OTC: variants seen among roughly 807,000 people sequenced by gnomAD.
The protein encoded by OTC is ornithine transcarbamylase, also known as ornithine transcarbamylase, mitochondrial.
In OTC, 3 loss-of-function variants were observed where a neutral mutation model predicts 30.3. That is an observed-to-expected ratio of 0.10 (90% confidence interval 0.05 to 0.26). The LOEUF is 0.26. Among genes scored for constraint, OTC ranks in the 10% least tolerant of loss-of-function variants. The pLI is 1.00. For missense variants in OTC, 194 were observed against 260.3 expected (o/e 0.75, Z 1.75); for synonymous variants, 111 against 99.7 (o/e 1.11, Z -0.67).
chrX:38,374,915 A>G (rs2068338541), intron 3 of OTC, among the ~76,000 whole-genome samples: 2 of 112,498 alleles, frequency 1.8e-5, no homozygotes, highest in Non-Finnish European at 3.7e-5. Flanking sequence ...ATTAGTGATT[A>G]TAATCACCAC....
chrX:38,356,780 G>A (rs942340939), intron 1 of OTC, among the ~76,000 whole-genome samples: 4 of 111,252 alleles, frequency 3.6e-5, no homozygotes, highest in African/African-American at 1.3e-4. Context: ...GGGTTTGGGG[G>A]CCCTTGGCTG....
intron 8 of OTC, among the ~76,000 whole-genome samples, chrX:38,409,765 A>C (rs1040067673): frequency 1.8e-5 from 2 of 112,667 alleles, no homozygotes; most frequent in African/African-American, 6.4e-5. Flanking sequence ...ACTTTGGTGG[A>C]GAAAGGGATT....
At chrX:38,368,117 TTAGG>T (rs2068306080) in intron 2 of OTC, among the ~76,000 whole-genome samples, 2 of 34,332 alleles carry the variant, frequency 5.8e-5, no homozygotes, top group African/African-American at 9.2e-4. Context: ...ATCCCAGCAC[TTAGG>T]GAGGCCAGGC....
chrX:38,348,060 G>T (rs182093335), upstream of OTC, among the ~76,000 whole-genome samples: 34 of 112,166 alleles, frequency 3.0e-4, no homozygotes, highest in Non-Finnish European at 5.1e-4. Flanking sequence ...TCAGTAATAG[G>T]ATAAATGTGA....
intron 3 of OTC, among the ~76,000 whole-genome samples, chrX:38,378,910 G>A (rs1165884164): frequency 1.8e-5 from 2 of 111,730 alleles, no homozygotes; most frequent in Non-Finnish European, 3.8e-5. Flanking sequence ...GTGATTTGGC[G>A]ATGGGGCTGG....
At chrX:38,344,452 A>G in the OTC span, among the ~76,000 whole-genome samples, 5 of 111,820 alleles carry the variant, frequency 4.5e-5, no homozygotes, top group African/African-American at 1.6e-4. Context: ...ATATTAACAC[A>G]TGAAGATTTT....
At chrX:38,373,867 A>G (rs1431306208) in intron 3 of OTC, 2 of 112,554 alleles carry the variant, frequency 1.8e-5, no homozygotes, top group Non-Finnish European at 3.8e-5. Context: ...ACAGAAATTA[A>G]GAAATTAGCA....
chrX:38,398,834 A>G (rs1427516022), intron 4 of OTC, among the ~76,000 whole-genome samples: 3 of 111,762 alleles, frequency 2.7e-5, no homozygotes, highest in Non-Finnish European at 5.6e-5. Flanking sequence ...TGTGTAATCT[A>G]TTAGTATTAG....
downstream of OTC, among the ~76,000 whole-genome samples, chrX:38,421,866 C>T (rs2068597495): frequency 2.7e-5 from 3 of 111,646 alleles, no homozygotes; most frequent in Non-Finnish European, 3.8e-5. Context: ...TGCATCTACT[C>T]ACACCATATG....
At chrX:38,366,256 C>T (rs2068295333) in intron 1 of OTC, among the ~76,000 whole-genome samples, 1 of 111,926 alleles carries the variant, frequency 8.9e-6, no homozygotes, top group Non-Finnish European at 1.9e-5. Flanking sequence ...AAGGTGTTAA[C>T]CTGCAGCAAA....
chrX:38,368,237 G>C (rs1290934416), intron 2 of OTC, among the ~76,000 whole-genome samples: 1 of 110,979 alleles, frequency 9.0e-6, no homozygotes, highest in Non-Finnish European at 1.9e-5. Flanking sequence ...GCACATGCCT[G>C]CAATTCCAGC....
chrX:38,409,874 T>G (rs965730705), intron 8 of OTC, among the ~76,000 whole-genome samples: 2 of 112,064 alleles, frequency 1.8e-5, no homozygotes, highest in African/African-American at 6.5e-5. Flanking sequence ...AAATAAAAAG[T>G]AAAAATGTCT....
At chrX:38,333,923 G>A in the OTC span, among the ~76,000 whole-genome samples, 1 of 112,218 alleles carries the variant, frequency 8.9e-6, no homozygotes, top group South Asian at 3.7e-4. Context: ...GCAGTTCTAG[G>A]ATATATGATT....
chrX:38,389,893 A>G (rs2068422176), intron 4 of OTC, among the ~76,000 whole-genome samples: 1 of 111,672 alleles, frequency 9.0e-6, no homozygotes, highest in African/African-American at 3.3e-5. Context: ...CTTGTAAAGG[A>G]CACACGCACA....
Position 38,367,305 on chromosome X carries a change from T to C in OTC, c.92T>C (p.Leu31Pro). 2 of 1,208,531 alleles carry C rather than the reference T, an allele frequency of 1.7e-6. No homozygotes were observed. Among genetic ancestry groups the C allele is most frequent in the Non-Finnish European group, 1.1e-6 (1 of 892,477 alleles). ...MVRNFRCGQP[L>P]QNKVQLKGRD... ...TCTTTTTACAGGTGTGGACAACCAC[T>C]ACAAAATAAAGTGCAGCTGAAGGGC... The change falls in exon 2 of 10, where the codon CTA becomes CCA. Residue 31 changes from leucine (L) to proline (P), a missense_variant. Coordinates refer to ENST00000039007, the MANE Select transcript of OTC (RefSeq NM_000531.6).
intron 3 of OTC, among the ~76,000 whole-genome samples, chrX:38,374,285 G>C (rs936706785): frequency 1.8e-5 from 2 of 111,014 alleles, no homozygotes; most frequent in African/African-American, 6.5e-5. Flanking sequence ...TGGATAAAGG[G>C]TGGAGAAAGA....
At chrX:38,334,380 T>C in the OTC span, among the ~76,000 whole-genome samples, 1 of 111,820 alleles carries the variant, frequency 8.9e-6, no homozygotes, top group East Asian at 2.8e-4. Context: ...AGAACAGCAG[T>C]CTTCAGACTT....
At chrX:38,417,891 T>G (rs754699248) in intron 9 of OTC, among the ~76,000 whole-genome samples, 2 of 112,159 alleles carry the variant, frequency 1.8e-5, no homozygotes, top group South Asian at 7.5e-4. Context: ...CATCCATTGA[T>G]GGACACTTAG....
upstream of OTC, among the ~76,000 whole-genome samples, chrX:38,352,211 A>C (rs934295532): frequency 3.1e-4 from 35 of 112,000 alleles, no homozygotes; most frequent in Non-Finnish European, 5.8e-4. Context: ...AAGACTGGCA[A>C]TTAGAGGTAG....
Sources: allele counts gnomAD v4.1 joint callset (sites outside exome capture counted in the v4.1 genomes callset), GRCh38; gene constraint gnomAD v4.1.1; transcripts MANE v1.5; gene names NCBI Gene and HGNC (gene_info 2026-07-23, HGNC 2026-07-21).